Variants in FBXO42 observed in about 807,000 individuals in gnomAD.
The protein encoded by FBXO42 is F-box only protein 42.
A neutral mutation model predicts 71.7 loss-of-function variants in FBXO42; 12 were observed. That is an observed-to-expected ratio of 0.17 (90% CI 0.11 to 0.27). FBXO42 has a LOEUF of 0.27. Ranked by LOEUF, FBXO42 falls within the 10% of genes least tolerant of loss-of-function variation. The pLI is 1.00. For synonymous variants in FBXO42, 325 were observed against 327.5 expected (o/e 0.99, Z 0.08); for missense variants, 707 against 911.9 (o/e 0.78, Z 2.89).
intron 1 of FBXO42, among the ~76,000 whole-genome samples, chr1:16,317,454 C>T (rs552157992): frequency 7.3e-4 from 111 of 151,206 alleles, no homozygotes; most frequent in African/African-American, 2.2e-3. Context: ...CTTAGCCAGG[C>T]TTGGTGATGC....
chr1:16,291,698 G>A (rs183508090), intron 4 of FBXO42, among the ~76,000 whole-genome samples: 7 of 151,950 alleles, frequency 4.6e-5, no homozygotes, highest in South Asian at 2.1e-4. Context: ...TTGAGACAGG[G>A]TCTCCCTCTT....
chr1:16,311,520 ATATATATACATATG>A (rs2082313583), intron 2 of FBXO42, among the ~76,000 whole-genome samples: 2 of 144,784 alleles, frequency 1.4e-5, no homozygotes, highest in Admixed American at 7.1e-5. Context: ...ATATATATAT[ATATATATACATATG>A]TATATATAAA....
chr1:16,310,347 T>G (rs2082300951), intron 2 of FBXO42, among the ~76,000 whole-genome samples: 2 of 148,368 alleles, frequency 1.3e-5, no homozygotes, highest in South Asian at 2.2e-4. Context: ...GGTGATGGAG[T>G]GAGGTTCCAT....
intron 3 of FBXO42, among the ~76,000 whole-genome samples, chr1:16,301,980 G>C (rs1349858341): frequency 1.3e-5 from 2 of 152,074 alleles, no homozygotes; most frequent in Non-Finnish European, 2.9e-5. Flanking sequence ...TTCAGACAAA[G>C]AAACTGTGGG....
intron 4 of FBXO42, among the ~76,000 whole-genome samples, chr1:16,288,448 AT>A (rs1406275047): frequency 5.1e-4 from 76 of 148,668 alleles, no homozygotes; most frequent in African/African-American, 1.8e-3. Context: ...AAAAATAAAA[AT>A]AAAAATAATA....
At chr1:16,343,488 G>T (rs1224248439) in intron 1 of FBXO42, among the ~76,000 whole-genome samples, 1 of 152,108 alleles carries the variant, frequency 6.6e-6, no homozygotes, top group African/African-American at 2.4e-5. Context: ...AGAGGTTGTA[G>T]TAAGCAGAGA....
chr1:16,338,804 C>CTTTTTTT lies in FBXO42; in HGVS notation c.-18+13444_-18+13450dup, dbSNP rs71574177. On this transcript the variant is annotated intron_variant, in intron 1 of 9. Transcript: ENST00000375592. ...AATGGAACATTTTATTTCCATTTGT[C>CTTTTTTT]TTTTTTTTTTTTTTTTTTTTTTTTG... 5.7e-3 allele frequency among the ~76,000 whole-genome samples: 462 copies of CTTTTTTT among 80,920 alleles called. 8 individuals are homozygous for CTTTTTTT. The highest frequency in any genetic ancestry group is 7.5e-3 in the Non-Finnish European group (335 of 44,380). 53.1% of individuals were successfully genotyped at this position (80,920 alleles called of 152,430 possible).
At chr1:16,284,935 C>A (rs1298670527) in intron 4 of FBXO42, among the ~76,000 whole-genome samples, 4 of 151,880 alleles carry the variant, frequency 2.6e-5, no homozygotes, top group African/African-American at 4.8e-5. Context: ...CACCACTGAA[C>A]TCCAGCCTGG....
At chr1:16,275,475 T>C (rs12752053) in intron 4 of FBXO42, among the ~76,000 whole-genome samples, 52,979 of 151,810 alleles carry the variant, frequency 0.35, 9,710 homozygotes, top group African/African-American at 0.41. Context: ...ATAAAATAGC[T>C]GGGCATAGTG....
intron 4 of FBXO42, 83 bp downstream of exon 4, chr1:16,294,700 C>T: frequency 1.3e-6 from 2 of 1,485,356 alleles, no homozygotes; most frequent in South Asian, 1.3e-5. Context: ...TCCTTGAGAC[C>T]AACACCAAAA....
chr1:16,342,273 G>A (rs145124150), intron 1 of FBXO42, among the ~76,000 whole-genome samples: 3,029 of 151,620 alleles, frequency 0.02, 98 homozygotes, highest in African/African-American at 0.068. Context: ...GCACATGCCT[G>A]TAATCCCAGC....
At chr1:16,285,444 T>C (rs2082011408) in intron 4 of FBXO42, among the ~76,000 whole-genome samples, 1 of 151,920 alleles carries the variant, frequency 6.6e-6, no homozygotes, top group African/African-American at 2.4e-5. Flanking sequence ...CAGCTAATTT[T>C]TGTATTTTTA....
At chr1:16,274,436 T>C (rs1163709323) in intron 4 of FBXO42, among the ~76,000 whole-genome samples, 1 of 152,012 alleles carries the variant, frequency 6.6e-6, no homozygotes. Context: ...GGGGGCTTTT[T>C]TGAGGTGAAG....
chr1:16,349,108 CA>C (rs1373403311), intron 1 of FBXO42, among the ~76,000 whole-genome samples: 20 of 151,572 alleles, frequency 1.3e-4, no homozygotes, highest in African/African-American at 4.8e-4. Flanking sequence ...TGGGAACTGT[CA>C]TGACAGTGAA....
chr1:16,261,840 A>C (rs1427415953), intron 4 of FBXO42, among the ~76,000 whole-genome samples: 1 of 151,994 alleles, frequency 6.6e-6, no homozygotes, highest in East Asian at 1.9e-4. Context: ...AGTAGCTGGG[A>C]CTACAGGCAC....
chr1:16,288,365 GGTTGCAA>G (rs2082043030), intron 4 of FBXO42, among the ~76,000 whole-genome samples: 2 of 151,702 alleles, frequency 1.3e-5, no homozygotes, highest in African/African-American at 2.4e-5. Flanking sequence ...GGGAGGTGGA[GGTTGCAA>G]TGAGCCCAGA....
chr1:16,259,970 A>G (rs1170610745), intron 4 of FBXO42, among the ~76,000 whole-genome samples: 1 of 152,186 alleles, frequency 6.6e-6, no homozygotes, highest in African/African-American at 2.4e-5. Flanking sequence ...ACTGAAGAGC[A>G]CAGATGTAGG....
At chr1:16,288,760 C>A (rs1351408518) in intron 4 of FBXO42, among the ~76,000 whole-genome samples, 1 of 151,750 alleles carries the variant, frequency 6.6e-6, no homozygotes, top group East Asian at 2.0e-4. Flanking sequence ...GGGTTCCAGA[C>A]CAGCCTGGGC....
chr1:16,289,040 A>C (rs181046524), intron 4 of FBXO42, among the ~76,000 whole-genome samples: 4 of 151,808 alleles, frequency 2.6e-5, no homozygotes, highest in African/African-American at 7.2e-5. Flanking sequence ...CCTTCTGTCT[A>C]GTCTGGTTTA....
Sources: allele counts gnomAD v4.1 joint callset (sites outside exome capture counted in the v4.1 genomes callset), GRCh38; gene constraint gnomAD v4.1.1; transcripts MANE v1.5; gene names NCBI Gene and HGNC (gene_info 2026-07-23, HGNC 2026-07-21).